Variants in TMEM45A observed in about 807,000 individuals in gnomAD.
TMEM45A encodes transmembrane protein 45A, also known as DNA polymerase-transactivated protein 4.
In TMEM45A, 25 loss-of-function variants were observed where a neutral mutation model predicts 32.0. The ratio of observed to expected loss-of-function variants is 0.78; its 90% CI spans 0.57 to 1.09. The LOEUF (loss-of-function observed/expected upper bound fraction) is 1.09. Among genes scored for constraint, TMEM45A ranks in the 50% least tolerant of loss-of-function variants. The pLI is 0.00. For missense variants in TMEM45A, 302 were observed against 325.0 expected, an observed-to-expected ratio of 0.93 and a Z score of 0.54; for synonymous variants, 122 against 114.8, an observed-to-expected ratio of 1.06 and a Z score of -0.40.
intron 1 of TMEM45A, among the ~76,000 whole-genome samples, chr3:100,505,580 GA>G (rs1452393825): frequency 1.3e-5 from 2 of 152,292 alleles, no homozygotes; most frequent in Non-Finnish European, 2.9e-5. Flanking sequence ...ACCTTACTTT[GA>G]AAAACACTGG....
intron 5 of TMEM45A, chr3:100,573,397 CTGTT>C (rs1206036744): frequency 2.0e-5 from 3 of 152,134 alleles, no homozygotes; most frequent in East Asian, 1.9e-4. Context: ...ATTTGGCTCT[CTGTT>C]TGTCTGTTAT....
intron 3 of TMEM45A, 53 bp downstream of exon 3, chr3:100,557,025 G>A: frequency 6.4e-7 from 1 of 1,560,016 alleles, no homozygotes; most frequent in Non-Finnish European, 8.8e-7. Context: ...GAGCATTTAT[G>A]TAGCCCTTCA....
At chr3:100,510,388 A>G (rs909758298) in intron 1 of TMEM45A, among the ~76,000 whole-genome samples, 1 of 152,184 alleles carries the variant, frequency 6.6e-6, no homozygotes, top group African/African-American at 2.4e-5. Flanking sequence ...GGGTACTCCA[A>G]CAGACCTGCA....
chr3:100,576,051 G>A (rs754153782), intron 5 of TMEM45A, among the ~76,000 whole-genome samples: 1 of 152,170 alleles, frequency 6.6e-6, no homozygotes, highest in Non-Finnish European at 1.5e-5. Context: ...GGTGGCTCAT[G>A]CCTATAATCG....
intron 1 of TMEM45A, among the ~76,000 whole-genome samples, chr3:100,511,481 C>T (rs1304531193): frequency 6.6e-6 from 1 of 152,062 alleles, no homozygotes; most frequent in African/African-American, 2.4e-5. Context: ...AAGCGCTAAA[C>T]ATGGAAAGGA....
intron 1 of TMEM45A, among the ~76,000 whole-genome samples, chr3:100,514,580 T>G (rs935303261): frequency 3.3e-5 from 5 of 151,750 alleles, no homozygotes; most frequent in African/African-American, 9.7e-5. Context: ...GGACTTCATG[T>G]CTAAAACACC....
chr3:100,534,433 G>A (rs1354067599), intron 1 of TMEM45A, among the ~76,000 whole-genome samples: 1 of 152,150 alleles, frequency 6.6e-6, no homozygotes, highest in Non-Finnish European at 1.5e-5. Flanking sequence ...AAAGGAGAAG[G>A]GGTCAGAGTC....
At chr3:100,510,995 G>A (rs1336154701) in intron 1 of TMEM45A, among the ~76,000 whole-genome samples, 3 of 152,208 alleles carry the variant, frequency 2.0e-5, no homozygotes, top group African/African-American at 7.2e-5. Context: ...ATCTACGTCT[G>A]ATTGGTGTAC....
chr3:100,493,899 T>G (rs1158417658), intron 1 of TMEM45A, among the ~76,000 whole-genome samples: 1 of 152,104 alleles, frequency 6.6e-6, no homozygotes, highest in Non-Finnish European at 1.5e-5. Context: ...GCCCAGCTAA[T>G]TTTTGTATTT....
chr3:100,518,056 C>T (rs1470950771), intron 1 of TMEM45A, among the ~76,000 whole-genome samples: 4 of 152,132 alleles, frequency 2.6e-5, no homozygotes, highest in Admixed American at 6.5e-5. Context: ...GGAGGGTCTG[C>T]TGGTTAGTTC....
chr3:100,570,165 C>A (rs1706529644), intron 5 of TMEM45A, among the ~76,000 whole-genome samples: 2 of 152,186 alleles, frequency 1.3e-5, no homozygotes, highest in Admixed American at 6.5e-5. Context: ...ATTTAAATAT[C>A]CATATATGTG....
At chr3:100,511,291 G>A (rs1335450459) in intron 1 of TMEM45A, among the ~76,000 whole-genome samples, 2 of 152,140 alleles carry the variant, frequency 1.3e-5, no homozygotes, top group African/African-American at 4.8e-5. Context: ...GAAACTCTAC[G>A]AGCCAGAAGA....
intron 1 of TMEM45A, among the ~76,000 whole-genome samples, chr3:100,501,786 C>T (rs1177510784): frequency 6.6e-6 from 1 of 152,094 alleles, no homozygotes; most frequent in Non-Finnish European, 1.5e-5. Flanking sequence ...ATCTGAATTC[C>T]CTCTCAATGA....
At chr3:100,525,548 A>G (rs1379766233) in intron 1 of TMEM45A, among the ~76,000 whole-genome samples, 2 of 152,214 alleles carry the variant, frequency 1.3e-5, no homozygotes, top group African/African-American at 4.8e-5. Flanking sequence ...GTTTCTATGG[A>G]AAGGAAAATG....
At chr3:100,514,422 T>C (rs1027969351) in intron 1 of TMEM45A, among the ~76,000 whole-genome samples, 9 of 152,096 alleles carry the variant, frequency 5.9e-5, no homozygotes, top group African/African-American at 2.2e-4. Flanking sequence ...TGGCTAGCCA[T>C]ATGTAGAAAG....
At chr3:100,548,282 A>G (rs1706020112) in intron 1 of TMEM45A, among the ~76,000 whole-genome samples, 2 of 152,168 alleles carry the variant, frequency 1.3e-5, no homozygotes. Flanking sequence ...GAGATGGGGA[A>G]GTTGGATTTA....
At chr3:100,572,558 C>A in intron 5 of TMEM45A, 1 of 151,686 alleles carries the variant, frequency 6.6e-6, no homozygotes, top group Non-Finnish European at 1.5e-5. Context: ...GTTGCCTGTT[C>A]ACTCTCATGG....
intron 4 of TMEM45A, among the ~76,000 whole-genome samples, chr3:100,559,140 A>G (rs1260863085): frequency 1.3e-5 from 2 of 152,168 alleles, no homozygotes; most frequent in African/African-American, 4.8e-5. Flanking sequence ...GGCTTTTTCC[A>G]TTTTAAGCTG....
chr3:100,545,391 A>G (rs1280567501), intron 1 of TMEM45A, among the ~76,000 whole-genome samples: 1 of 152,132 alleles, frequency 6.6e-6, no homozygotes, highest in South Asian at 2.1e-4. Flanking sequence ...TTTTCCATGG[A>G]TTGGTAATTT....
Sources: gnomAD v4.1 joint callset for allele counts (sites outside exome capture counted in the v4.1 genomes callset) on GRCh38, gnomAD v4.1.1 for gene constraint, MANE v1.5 for transcripts, NCBI Gene and HGNC (gene_info 2026-07-23, HGNC 2026-07-21) for gene names.